Variants in FNBP1L observed in about 807,000 individuals in gnomAD.
FNBP1L encodes formin binding protein 1 like, also known as formin-binding protein 1-like.
In FNBP1L, 36 loss-of-function variants were observed where a neutral mutation model predicts 91.2. That is an observed-to-expected ratio of 0.39 (90% CI 0.30 to 0.52). The LOEUF (loss-of-function observed/expected upper bound fraction) is 0.52. Ranked by LOEUF, FNBP1L falls within the 20% of genes least tolerant of loss-of-function variation. The probability of loss-of-function intolerance (pLI) is 0.66; values close to 1 mark genes in which losing one functional copy is unlikely to be tolerated. For missense variants in FNBP1L, 571 were observed against 732.1 expected, an observed-to-expected ratio of 0.78 and a Z score of 2.54; for synonymous variants, 242 against 237.0, an observed-to-expected ratio of 1.02 and a Z score of -0.19.
chr1:93,457,355 G>A (rs796137730), intron 1 of FNBP1L, among the ~76,000 whole-genome samples: 7 of 152,174 alleles, frequency 4.6e-5, no homozygotes, highest in African/African-American at 1.4e-4. Flanking sequence ...ATCCTTCCGT[G>A]GTTAGTTGCA....
chr1:93,457,079 C>T (rs1386526706), intron 1 of FNBP1L, among the ~76,000 whole-genome samples: 2 of 151,858 alleles, frequency 1.3e-5, no homozygotes, highest in Non-Finnish European at 2.9e-5. Context: ...GTAGAGATAG[C>T]GTTTAGCCAT....
intron 15 of FNBP1L, 97 bp downstream of exon 15, chr1:93,549,523 A>G (rs2101777004): frequency 4.3e-6 from 4 of 931,116 alleles, no homozygotes; most frequent in Non-Finnish European, 6.1e-6. Context: ...TAAGTAATAT[A>G]TGTTGTCAGA....
chr1:93,532,698 G>T (rs995250422), intron 7 of FNBP1L, among the ~76,000 whole-genome samples: 14 of 152,040 alleles, frequency 9.2e-5, no homozygotes, highest in African/African-American at 2.9e-4. Flanking sequence ...CTGGTTTTAG[G>T]AAAACAATAC....
chr1:93,520,009 G>C (rs1671268989), intron 2 of FNBP1L, among the ~76,000 whole-genome samples: 1 of 152,072 alleles, frequency 6.6e-6, no homozygotes, highest in African/African-American at 2.4e-5. Flanking sequence ...AATACATGTT[G>C]ATCTGAACTC....
chr1:93,523,615 GC>G, intron 4 of FNBP1L, 124 bp downstream of exon 4: 1 of 951,896 alleles, frequency 1.1e-6, no homozygotes, highest in Non-Finnish European at 1.5e-6. Flanking sequence ...ATTTCTTCTA[GC>G]TAAAAATTAT....
intron 2 of FNBP1L, among the ~76,000 whole-genome samples, chr1:93,511,572 A>G (rs1670843520): frequency 6.6e-6 from 1 of 152,214 alleles, no homozygotes; most frequent in Non-Finnish European, 1.5e-5. Flanking sequence ...ACCAGCTAAC[A>G]TCATAATGAC....
chr1:93,537,817 C>T (rs1007115871), intron 10 of FNBP1L, among the ~76,000 whole-genome samples: 1 of 152,032 alleles, frequency 6.6e-6, no homozygotes, highest in Admixed American at 6.6e-5. Flanking sequence ...AACTCATTCC[C>T]ATGTTGCTTC....
chr1:93,519,717 AGGCAG>A (rs1453321387), intron 2 of FNBP1L, among the ~76,000 whole-genome samples: 2 of 152,218 alleles, frequency 1.3e-5, no homozygotes, highest in Non-Finnish European at 2.9e-5. Flanking sequence ...TGGGAGGCCA[AGGCAG>A]GCGGATCACT....
chr1:93,529,859 A>C, intron 6 of FNBP1L, 103 bp downstream of exon 6: 1 of 682,734 alleles, frequency 1.5e-6, no homozygotes, highest in Non-Finnish European at 2.4e-6. Flanking sequence ...TTTACTTGAG[A>C]TACACTGTAT....
intron 5 of FNBP1L, among the ~76,000 whole-genome samples, chr1:93,526,684 C>T (rs969020462): frequency 5.9e-5 from 9 of 152,054 alleles, no homozygotes; most frequent in East Asian, 1.9e-4. Context: ...GGCTGTACTT[C>T]GTCTGCCACA....
intron 1 of FNBP1L, among the ~76,000 whole-genome samples, chr1:93,482,895 G>A (rs1400794752): frequency 1.3e-5 from 2 of 151,938 alleles, no homozygotes; most frequent in South Asian, 2.1e-4. Context: ...GCGGGCGCCT[G>A]TAGTCCCAGC....
chr1:93,473,979 T>G (rs1405507557), intron 1 of FNBP1L, among the ~76,000 whole-genome samples: 1 of 152,196 alleles, frequency 6.6e-6, no homozygotes, highest in Non-Finnish European at 1.5e-5. Flanking sequence ...GAATAAAAAC[T>G]TGGATTTCTA....
chr1:93,532,606 T>C (rs12755636), intron 7 of FNBP1L, among the ~76,000 whole-genome samples: 3 of 149,998 alleles, frequency 2.0e-5, no homozygotes, highest in Non-Finnish European at 4.4e-5. Flanking sequence ...TCTGATTGAA[T>C]AGTAAAAGGT....
chr1:93,449,589 G>A (rs923815430), intron 1 of FNBP1L, among the ~76,000 whole-genome samples: 1 of 152,164 alleles, frequency 6.6e-6, no homozygotes, highest in Non-Finnish European at 1.5e-5. Flanking sequence ...TCCATCTAGT[G>A]AATGCTTTAC....
At chr1:93,509,465 C>G (rs1299914861) in intron 2 of FNBP1L, among the ~76,000 whole-genome samples, 1 of 152,168 alleles carries the variant, frequency 6.6e-6, no homozygotes. Flanking sequence ...AATAACATGG[C>G]TTTTTGATGA....
chr1:93,516,509 G>A (rs1671122128), intron 2 of FNBP1L, among the ~76,000 whole-genome samples: 1 of 152,042 alleles, frequency 6.6e-6, no homozygotes, highest in African/African-American at 2.4e-5. Context: ...AAACTGAAAG[G>A]GAACACTTGA....
At chr1:93,476,246 A>C (rs1669490610) in intron 1 of FNBP1L, among the ~76,000 whole-genome samples, 1 of 152,190 alleles carries the variant, frequency 6.6e-6, no homozygotes, top group African/African-American at 2.4e-5. Flanking sequence ...TAAACTCTTA[A>C]GTGTAGAATC....
chr1:93,525,019 A>G (rs1426737811), intron 5 of FNBP1L, among the ~76,000 whole-genome samples: 1 of 151,808 alleles, frequency 6.6e-6, no homozygotes, highest in Non-Finnish European at 1.5e-5. Flanking sequence ...AGAACACTGC[A>G]GTTGCCTTTA....
chr1:93,453,298 A>C (rs1668555346), intron 1 of FNBP1L, among the ~76,000 whole-genome samples: 1 of 152,188 alleles, frequency 6.6e-6, no homozygotes. Context: ...TTATGTCACC[A>C]TTCCATAATG....
Sources: allele counts gnomAD v4.1 joint callset (sites outside exome capture counted in the v4.1 genomes callset), GRCh38; gene constraint gnomAD v4.1.1; transcripts MANE v1.5; gene names NCBI Gene and HGNC (gene_info 2026-07-23, HGNC 2026-07-21).